Variants in TMPRSS5 observed in about 807,000 individuals in gnomAD.
The protein encoded by TMPRSS5 is transmembrane protease serine 5.
Under a neutral mutation model 59.7 loss-of-function variants are expected in TMPRSS5, and 45 were observed. The ratio of observed to expected loss-of-function variants is 0.75; its 90% CI spans 0.59 to 0.97. TMPRSS5 has a LOEUF of 0.97. TMPRSS5 is among the 50% of genes least tolerant of loss of function. TMPRSS5 has a pLI of 0.00. For synonymous variants in TMPRSS5, 225 were observed against 232.0 expected, an observed-to-expected ratio of 0.97 and a Z score of 0.27; for missense variants, 585 against 596.7, an observed-to-expected ratio of 0.98 and a Z score of 0.20.
In TMPRSS5 at chr11:113,693,144, G is replaced by C; in HGVS notation, c.891C>G (p.His297Gln). 1 of 1,599,526 alleles carries C rather than the reference G, an allele frequency of 6.3e-7. No homozygotes were observed. The highest frequency in any genetic ancestry group is 1.1e-5 in the South Asian group (1 of 88,068). The change falls in exon 9 of 13, where the codon CAC becomes CAG. Residue 297 changes from histidine (H) to glutamine (Q), a missense_variant. By Grantham distance (24) the His-to-Gln change is conservative. Transcript: ENST00000299882. ...CATGATTCTGGGCACTGTAGAGGGG[G>C]TGTGGGATAATCCTCTCCACCAGAG... ...QGALVERIIP[H>Q]PLYSAQNHDY...
At position 113,689,862 on chromosome 11, in the gene TMPRSS5, C is replaced by T; in HGVS notation, c.1262G>A (p.Gly421Glu). ...CPDGDTWRLV[G>E]VVSWGRGCAE... ...GCAGCCACGCCCCCAGCTGACCACCCCCACTAGGCGCCATGTGTCCCCATC... is the reference window on the plus strand; with the variant it reads ...GCAGCCACGCCCCCAGCTGACCACCTCCACTAGGCGCCATGTGTCCCCATC... Residue 421 changes from glycine to glutamate, a missense_variant, in exon 12 of 13, where the codon GGG becomes GAG. Gly to Glu is a moderately conservative substitution (Grantham distance 98). Coordinates refer to ENST00000299882, the MANE Select transcript of TMPRSS5 (RefSeq NM_030770.4). 6.3e-7 allele frequency: 1 copy of T among 1,583,300 alleles called. No individual in the cohort carries two copies. Among genetic ancestry groups the T allele is most frequent in the Non-Finnish European group, 8.6e-7 (1 of 1,164,968 alleles).
rs11214703 is a variant in TMPRSS5 at position 113,690,303 on chromosome 11, G to C, written c.1134C>G (p.Cys378Trp). 3 of 1,593,584 alleles carry C rather than the reference G, an allele frequency of 1.9e-6. No individual in the cohort carries two copies. The highest frequency in any genetic ancestry group is 2.6e-6 in the Non-Finnish European group (3 of 1,171,302). The stretch of plus-strand genomic sequence containing the variant: ...GGGGGGTGAGGGCTCCGCTGTACAC[G>C]CAAGAGCTGTTGCAGAGCTGAGTGC... ...LFSTQLCNSS[C>W]VYSGALTPRM... Residue 378 changes from cysteine to tryptophan, a missense_variant, in exon 11 of 13, where the codon TGC becomes TGG. By Grantham distance (215) the Cys-to-Trp change is radical. Coordinates refer to ENST00000299882, the MANE Select transcript of TMPRSS5 (RefSeq NM_030770.4).
intron 3 of TMPRSS5, among the ~76,000 whole-genome samples, chr11:113,699,272 C>CCTCTCTCTCTCTCTCTCT (rs550946661): frequency 4.2e-5 from 1 of 24,060 alleles, no homozygotes. Context: ...TCTCTCTCTC[C>CCTCTCTCTCTCTCTCTCT]CTCTCTCTCT....
chr11:113,690,052 A>T, intron 11 of TMPRSS5, 135 bp from the exon 12 acceptor site: 1 of 1,259,060 alleles, frequency 7.9e-7, no homozygotes, highest in Non-Finnish European at 1.1e-6. Flanking sequence ...TGCTGGCCTC[A>T]CCCCTCCTTA....
At chr11:113,693,348 T>C in intron 8 of TMPRSS5, 99 bp from the exon 9 acceptor site, 1 of 1,342,078 alleles carries the variant, frequency 7.5e-7, no homozygotes, top group Non-Finnish European at 9.8e-7. Flanking sequence ...CAGCCATTGG[T>C]GGGGGGGCCG....
At chr11:113,697,085 C>CT in intron 5 of TMPRSS5, 114 bp from the exon 6 acceptor site, 1 of 1,196,404 alleles carries the variant, frequency 8.4e-7, no homozygotes, top group Non-Finnish European at 1.2e-6. Flanking sequence ...GGGGTTTATG[C>CT]TTGTTAAAAA....
rs1323040719 is a variant in TMPRSS5 at position 113,689,760 on chromosome 11, C to T, written c.1359+5G>A. Reference sequence around the variant, plus strand: ...TCCCTGCCCTACTCCTGCCCCCACACTCACCTGAGCAGTGTCATGGATCCA... The same window carrying T: ...TCCCTGCCCTACTCCTGCCCCCACATTCACCTGAGCAGTGTCATGGATCCA... On this transcript the variant is annotated splice_donor_5th_base_variant and intron_variant, in intron 12 of 12. Transcript: ENST00000299882. 6.2e-7 allele frequency: 1 copy of T among 1,608,988 alleles called. No individual in the cohort carries two copies. The highest frequency in any genetic ancestry group is 8.5e-7 in the Non-Finnish European group (1 of 1,177,934).
intron 5 of TMPRSS5, 99 bp from the exon 6 acceptor site, chr11:113,697,070 C>T: frequency 1.7e-6 from 2 of 1,165,026 alleles, no homozygotes; most frequent in South Asian, 2.6e-5. Flanking sequence ...ATAATGATTA[C>T]TGCTGGGGTT....
chr11:113,699,856 A>G, intron 2 of TMPRSS5, 163 bp from the exon 3 acceptor site: 1 of 1,429,454 alleles, frequency 7.0e-7, no homozygotes, highest in South Asian at 1.4e-5. Flanking sequence ...GCAGGGGAGG[A>G]TGGAGAGGGC....
intron 1 of TMPRSS5, among the ~76,000 whole-genome samples, chr11:113,701,489 C>A (rs375387645): frequency 6.9e-6 from 1 of 145,554 alleles, no homozygotes; most frequent in African/African-American, 2.5e-5. Flanking sequence ...TTTTTTTTGG[C>A]GGGGGGGGGT....
intron 11 of TMPRSS5, 51 bp downstream of exon 11, chr11:113,690,180 T>TCCCCCCCCCCCCC: frequency 5.3e-6 from 1 of 187,982 alleles, no homozygotes; most frequent in East Asian, 1.3e-4. Context: ...CCCCCTGCCC[T>TCCCCCCCCCCCCC]CCCACCCCCA....
chr11:113,700,860 G>A (rs1050673882), intron 1 of TMPRSS5, among the ~76,000 whole-genome samples: 10 of 152,206 alleles, frequency 6.6e-5, no homozygotes, highest in African/African-American at 2.4e-4. Flanking sequence ...ATATGTTCGG[G>A]TAGGGACCTT....
chr11:113,698,991 G>T lies in TMPRSS5; in HGVS notation c.242C>A (p.Ser81Tyr), dbSNP rs1953011410. 1.9e-6 allele frequency: 3 copies of T among 1,610,530 alleles called. No individual in the cohort carries two copies. Among genetic ancestry groups the T allele is most frequent in the Admixed American group, 1.7e-5 (1 of 59,598 alleles). Residue 81 changes from serine to tyrosine, a missense_variant, in exon 4 of 13, where the codon TCC (serine) becomes TAC (tyrosine). Ser to Tyr is a moderately radical substitution (Grantham distance 144, BLOSUM62 -2). Coordinates refer to ENST00000299882, the MANE Select transcript of TMPRSS5 (RefSeq NM_030770.4). ...YLCPAASQPI[S>Y]GTLQDEEITL... ...TATCTCCTCATCCTGCAAGGTCCCG[G>T]AAATGGGCTGAGAGGCAGCAGGACA...
intron 4 of TMPRSS5, among the ~76,000 whole-genome samples, chr11:113,698,588 C>CCA (rs374703425): frequency 2.4e-4 from 37 of 151,736 alleles, no homozygotes; most frequent in South Asian, 2.1e-4. Flanking sequence ...ACACTGGCTC[C>CCA]CACACACACA....
Position 113,706,231 on chromosome 11 carries a change from C to T in TMPRSS5, c.-7G>A, listed in dbSNP as rs773520744. 2 of 1,601,816 alleles carry T rather than the reference C, an allele frequency of 1.2e-6. No individual in the cohort carries two copies. Among genetic ancestry groups the T allele is most frequent in the South Asian group, 2.3e-5 (2 of 88,300 alleles). On this transcript the variant is annotated 5_prime_UTR_variant, in exon 1 of 13. Transcript: ENST00000299882. The stretch of plus-strand genomic sequence containing the variant: ...AGAGACGTAACCTTACCATAGGGGT[C>T]AGTGGCACTGTTGTAAAGCCTCAGG...
chr11:113,689,689 T>C, intron 12 of TMPRSS5, 76 bp downstream of exon 12: 1 of 1,523,162 alleles, frequency 6.6e-7, no homozygotes, highest in South Asian at 1.2e-5. Context: ...GGCCCGGGCC[T>C]AAGGGGTAAG....
chr11:113,700,699 C>G (rs1480772621), intron 1 of TMPRSS5, among the ~76,000 whole-genome samples: 1 of 152,164 alleles, frequency 6.6e-6, no homozygotes, highest in Non-Finnish European at 1.5e-5. Flanking sequence ...CTGACTGTGT[C>G]AAAGAACCTG....
At chr11:113,694,964 C>T (rs767523483) in intron 7 of TMPRSS5, among the ~76,000 whole-genome samples, 4 of 152,168 alleles carry the variant, frequency 2.6e-5, no homozygotes, top group Non-Finnish European at 5.9e-5. Flanking sequence ...GATGAAGAGA[C>T]GGGTAGATGA....
Position 113,700,126 on chromosome 11 carries a change from C to A in TMPRSS5, c.46G>T (p.Ala16Ser). ...ATCCCAGGTCCTGGGCCCTCCTCTGCATACTGGGCCTCCATAGGGGGTTGG... is the reference window on the plus strand; with the variant it reads ...ATCCCAGGTCCTGGGCCCTCCTCTGAATACTGGGCCTCCATAGGGGGTTGG... Reference protein sequence around the residue: ...DDQPPMEAQYAEEGPGPGIFR... With the variant: ...DDQPPMEAQYSEEGPGPGIFR... The change falls in exon 2 of 13, where the codon GCA becomes TCA. Residue 16 changes from alanine (A) to serine (S), a missense_variant. By Grantham distance (99) the Ala-to-Ser change is moderately conservative (BLOSUM62 1). Transcript: ENST00000299882. 6.3e-7 allele frequency: 1 copy of A among 1,584,994 alleles called. No individual in the cohort carries two copies. The highest frequency in any genetic ancestry group is 1.2e-5 in the South Asian group (1 of 86,412).
Sources: gnomAD v4.1 joint callset for allele counts (sites outside exome capture counted in the v4.1 genomes callset) on GRCh38, gnomAD v4.1.1 for gene constraint, MANE v1.5 for transcripts, NCBI Gene and HGNC (gene_info 2026-07-23, HGNC 2026-07-21) for gene names.